NXPH1: variants seen among roughly 807,000 people sequenced by gnomAD.
The protein encoded by NXPH1 is neurexophilin 1, also known as neurexophilin-1.
In NXPH1, 5 loss-of-function variants were observed where a neutral mutation model predicts 23.7. That is an observed-to-expected ratio of 0.21 (90% CI 0.11 to 0.44). The LOEUF is 0.44. Among genes scored for constraint, NXPH1 ranks in the 20% least tolerant of loss-of-function variants. NXPH1 has a pLI of 0.99. For missense variants in NXPH1, 324 were observed against 321.6 expected (o/e 1.01, Z -0.06); for synonymous variants, 144 against 122.2 (o/e 1.18, Z -1.18).
At chr7:8,620,177 G>T (rs571577178) in intron 2 of NXPH1, among the ~76,000 whole-genome samples, 1 of 152,200 alleles carries the variant, frequency 6.6e-6, no homozygotes, top group African/African-American at 2.4e-5. Flanking sequence ...CAGAAGCACA[G>T]TTCTAACATA....
At chr7:8,529,406 G>A (rs1584214217) in intron 2 of NXPH1, among the ~76,000 whole-genome samples, 1 of 152,152 alleles carries the variant, frequency 6.6e-6, no homozygotes, top group East Asian at 1.9e-4. Context: ...GTACACATGG[G>A]AAGGTAAAAG....
At chr7:8,522,232 C>T (rs182865197) in intron 2 of NXPH1, among the ~76,000 whole-genome samples, 30 of 152,200 alleles carry the variant, frequency 2.0e-4, no homozygotes, top group South Asian at 4.2e-4. Context: ...AATAGGAGGC[C>T]GTTCTTGTGA....
At chr7:8,490,583 C>G (rs574976448) in intron 2 of NXPH1, among the ~76,000 whole-genome samples, 4 of 151,936 alleles carry the variant, frequency 2.6e-5, no homozygotes, top group Non-Finnish European at 5.9e-5. Flanking sequence ...ACATTTATAA[C>G]TGGGGAGCGC....
intron 2 of NXPH1, among the ~76,000 whole-genome samples, chr7:8,585,573 T>A (rs923546537): frequency 5.9e-5 from 9 of 152,178 alleles, no homozygotes; most frequent in African/African-American, 2.2e-4. Context: ...CATTGAAGTG[T>A]CTCGTATCTA....
In NXPH1 at chr7:8,631,090, T is replaced by A. The variant is rs539032256; in HGVS notation, c.55-119918T>A. Among the ~76,000 whole-genome samples, 45 of 152,318 alleles carry A rather than the reference T, an allele frequency of 3.0e-4. 1 individual carries two copies. The South Asian group carries it at 9.1e-3, about 31-fold the overall frequency. On this transcript the variant is annotated intron_variant, in intron 2 of 2. Coordinates refer to ENST00000405863, the MANE Select transcript of NXPH1 (RefSeq NM_152745.3). ...TGGCCTCTAGTGCCATGTATGTCCCTGCAAAGGACATGACCTCATTCTTCT... is the reference window on the plus strand; with the variant it reads ...TGGCCTCTAGTGCCATGTATGTCCCAGCAAAGGACATGACCTCATTCTTCT...
intron 2 of NXPH1, among the ~76,000 whole-genome samples, chr7:8,660,024 G>A (rs369091792): frequency 1.3e-5 from 2 of 152,264 alleles, no homozygotes; most frequent in South Asian, 2.1e-4. Context: ...GCAGAATCCT[G>A]CTTGAGAAAA....
chr7:8,539,811 A>G (rs185639271), intron 2 of NXPH1, among the ~76,000 whole-genome samples: 3 of 151,816 alleles, frequency 2.0e-5, no homozygotes, highest in Admixed American at 6.6e-5. Context: ...TTGTTTTACT[A>G]TACTTTTCTT....
At chr7:8,502,856 G>A (rs1165612296) in intron 2 of NXPH1, among the ~76,000 whole-genome samples, 4 of 151,920 alleles carry the variant, frequency 2.6e-5, no homozygotes, top group Middle Eastern at 3.4e-3. Flanking sequence ...CTGGGCCTCC[G>A]AATGTGCAGC....
chr7:8,559,061 G>A (rs994380591), intron 2 of NXPH1, among the ~76,000 whole-genome samples: 6 of 151,502 alleles, frequency 4.0e-5, no homozygotes, highest in Middle Eastern at 3.2e-3. Context: ...TCAACTCCTG[G>A]GCTAAAGTGA....
chr7:8,450,430 A>T (rs1167397080), intron 2 of NXPH1, among the ~76,000 whole-genome samples: 1 of 152,274 alleles, frequency 6.6e-6, no homozygotes, highest in Non-Finnish European at 1.5e-5. Flanking sequence ...CAACTAACTT[A>T]GCACAGGTCT....
chr7:8,511,546 T>C (rs946513770), intron 2 of NXPH1, among the ~76,000 whole-genome samples: 1 of 152,096 alleles, frequency 6.6e-6, no homozygotes, highest in Non-Finnish European at 1.5e-5. Context: ...TCCTTCACTC[T>C]GTAAGGAGTG....
At chr7:8,521,959 T>A (rs1244951921) in intron 2 of NXPH1, among the ~76,000 whole-genome samples, 1 of 152,118 alleles carries the variant, frequency 6.6e-6, no homozygotes, top group African/African-American at 2.4e-5. Context: ...GAGCCAAGAC[T>A]ACATGGCTGC....
intron 2 of NXPH1, among the ~76,000 whole-genome samples, chr7:8,531,181 C>A (rs141719120): frequency 5.9e-5 from 9 of 152,252 alleles, no homozygotes; most frequent in African/African-American, 2.2e-4. Context: ...AAGTGCTCTG[C>A]ACAGTGTTTC....
chr7:8,472,926 C>T (rs1816892288), intron 2 of NXPH1, among the ~76,000 whole-genome samples: 1 of 152,156 alleles, frequency 6.6e-6, no homozygotes, highest in Admixed American at 6.5e-5. Flanking sequence ...TCTGAGATCT[C>T]AGTTTCTCTA....
At chr7:8,627,290 A>G (rs1218811883) in intron 2 of NXPH1, among the ~76,000 whole-genome samples, 1 of 152,176 alleles carries the variant, frequency 6.6e-6, no homozygotes, top group Non-Finnish European at 1.5e-5. Flanking sequence ...GAGGCAGAAT[A>G]AAAAACTACT....
intron 2 of NXPH1, among the ~76,000 whole-genome samples, chr7:8,471,815 A>C (rs1173143822): frequency 2.0e-5 from 3 of 152,098 alleles, no homozygotes; most frequent in Non-Finnish European, 4.4e-5. Flanking sequence ...TCAACTATAC[A>C]GGAGAGCATC....
chr7:8,645,045 T>G (rs1015337411), intron 2 of NXPH1, among the ~76,000 whole-genome samples: 3 of 152,220 alleles, frequency 2.0e-5, no homozygotes, highest in African/African-American at 7.2e-5. Context: ...TGTACAATGT[T>G]CCACTGAATA....
rs545103881 is a variant in NXPH1 at position 8,738,334 on chromosome 7, T to C, written c.55-12674T>C. Among the ~76,000 whole-genome samples, 11 of 152,230 alleles carry C rather than the reference T, an allele frequency of 7.2e-5. 1 individual carries two copies. Among genetic ancestry groups the C allele is most frequent in the Admixed American group, 3.9e-4 (6 of 15,286 alleles). ...GTGTGGATGTCCTTTTTGTTGAGGTTGATGCTATTCCTTTCTATTAGTTTT... is the reference window on the plus strand; with the variant it reads ...GTGTGGATGTCCTTTTTGTTGAGGTCGATGCTATTCCTTTCTATTAGTTTT... On this transcript the variant is annotated intron_variant, in intron 2 of 2. Coordinates refer to ENST00000405863, the MANE Select transcript of NXPH1 (RefSeq NM_152745.3).
intron 2 of NXPH1, among the ~76,000 whole-genome samples, chr7:8,627,359 G>T (rs894776170): frequency 3.9e-5 from 6 of 152,076 alleles, no homozygotes; most frequent in Non-Finnish European, 1.5e-5. Context: ...GAGGAGAAAA[G>T]AACTCAGGGG....
Sources: gnomAD v4.1 joint callset for allele counts (sites outside exome capture counted in the v4.1 genomes callset) on GRCh38, gnomAD v4.1.1 for gene constraint, MANE v1.5 for transcripts, NCBI Gene and HGNC (gene_info 2026-07-23, HGNC 2026-07-21) for gene names.